CELF1: variants seen among roughly 807,000 people sequenced by gnomAD.
The protein encoded by CELF1 is CUGBP Elav-like family member 1, also known as 50 kDa nuclear polyadenylated RNA-binding protein.
Under a neutral mutation model 61.8 loss-of-function variants are expected in CELF1, and 10 were observed. The observed-to-expected ratio is 0.16, with a 90% CI of 0.10 to 0.27. The LOEUF is 0.27. Among genes scored for constraint, CELF1 ranks in the 10% least tolerant of loss-of-function variants. The pLI, the probability that CELF1 is intolerant of heterozygous loss-of-function variation, is 1.00. For missense variants in CELF1, 380 were observed against 639.1 expected, an observed-to-expected ratio of 0.59 and a Z score of 4.37; for synonymous variants, 236 against 225.1, an observed-to-expected ratio of 1.05 and a Z score of -0.43.
At position 47,483,494 on chromosome 11, in the gene CELF1, G is replaced by T; in HGVS notation, c.565C>A (p.Gln189Lys). Residue 189 changes from glutamine (Q) to lysine (K), a missense_variant, in exon 8 of 15, where the codon CAG becomes AAG. By Grantham distance (53) the Gln-to-Lys change is moderately conservative (BLOSUM62 1). Transcript: ENST00000687097. ...FVTFTTRAMA[Q>K]TAIKAMHQAQ... ...TGGTGCATTGCCTTGATAGCCGTCT[G>T]TGCCATGGCTCTTGTTGTAAAAGTC... The T allele has an allele frequency of 6.2e-7, 1 of 1,614,088 alleles. No homozygotes were observed. The highest frequency in any genetic ancestry group is 1.7e-5 in the Admixed American group (1 of 60,012).
intron 1 of CELF1, among the ~76,000 whole-genome samples, chr11:47,529,360 G>A (rs931046994): frequency 2.6e-5 from 4 of 151,852 alleles, no homozygotes; most frequent in African/African-American, 9.7e-5. Flanking sequence ...ACCAGCCCGG[G>A]TAACGTGGCG....
chr11:47,468,225 A>G lies in CELF1; in HGVS notation c.*4005T>C, dbSNP rs2077000764. 1 of 152,160 alleles carries G rather than the reference A, an allele frequency of 6.6e-6. No homozygotes were observed. Among genetic ancestry groups the G allele is most frequent in the African/African-American group, 2.4e-5 (1 of 41,294 alleles). The allele number at this position is 152,160 out of a possible 1,614,324, so 9.4% of individuals were successfully genotyped here. On this transcript the variant is annotated 3_prime_UTR_variant, in exon 15 of 15. Transcript: ENST00000687097. ...AGGGAAGAACCACAAAAGAAAAAGA[A>G]AAAGAAAAAGGGCTGGCTGGGGCCC... is the stretch of plus-strand genomic sequence containing the variant.
Position 47,470,402 on chromosome 11 carries a change from A to G in CELF1, c.*1828T>C, listed in dbSNP as rs984310634. 6 of 152,006 alleles carry G rather than the reference A, an allele frequency of 3.9e-5. No homozygotes were observed. The highest frequency in any genetic ancestry group is 8.8e-5 in the Non-Finnish European group (6 of 68,006). 9.4% of individuals were successfully genotyped at this position (152,006 alleles called of 1,614,324 possible). ...AGTTTTATCCTTTGAAACACAGGAC[A>G]CATTTCTCCCAGTGCGCAGAATTTC... On this transcript the variant is annotated 3_prime_UTR_variant, in exon 15 of 15. Transcript: ENST00000687097.
intron 1 of CELF1, among the ~76,000 whole-genome samples, chr11:47,501,663 A>C (rs1000300001): frequency 6.9e-6 from 1 of 145,226 alleles, no homozygotes; most frequent in South Asian, 2.2e-4. Context: ...AAAAAATATC[A>C]AAAAAAAAAA....
intron 1 of CELF1, chr11:47,524,112 T>C (rs993146921): frequency 6.6e-6 from 1 of 152,164 alleles, no homozygotes; most frequent in African/African-American, 2.4e-5. Context: ...GTTCCTTTCC[T>C]GGCAGACAGC....
At chr11:47,529,080 T>A (rs2096370206) in intron 1 of CELF1, among the ~76,000 whole-genome samples, 1 of 148,706 alleles carries the variant, frequency 6.7e-6, no homozygotes, top group South Asian at 2.1e-4. Context: ...TATTTTACTT[T>A]TTTTTTTTTT....
intron 9 of CELF1, among the ~76,000 whole-genome samples, chr11:47,479,316 A>G (rs547575808): frequency 6.6e-6 from 1 of 152,358 alleles, no homozygotes; most frequent in Admixed American, 6.5e-5. Context: ...TGCCATTTCC[A>G]GCTACCCTCT....
intron 5 of CELF1, 129 bp downstream of exon 5, chr11:47,487,030 T>C: frequency 1.3e-6 from 1 of 790,782 alleles, no homozygotes; most frequent in Non-Finnish European, 2.1e-6. Flanking sequence ...CTTTATGTCT[T>C]CCTTTACATC....
At chr11:47,510,727 T>C (rs1055599145) in intron 1 of CELF1, among the ~76,000 whole-genome samples, 1 of 152,144 alleles carries the variant, frequency 6.6e-6, no homozygotes, top group Non-Finnish European at 1.5e-5. Context: ...GCTCAAGCGA[T>C]CCACCCCCTC....
intron 12 of CELF1, among the ~76,000 whole-genome samples, chr11:47,476,468 C>T (rs2080189396): frequency 6.6e-6 from 1 of 152,102 alleles, no homozygotes; most frequent in Admixed American, 6.5e-5. Context: ...CTCTGTCACC[C>T]AGGCTGGAGT....
Position 47,484,541 on chromosome 11 carries a change from A to G in CELF1, c.392-18T>C. The stretch of plus-strand genomic sequence containing the variant: ...TTCCACTGCTAAGAGAGTAAAACAG[A>G]AAAGACTTGAATATTACTACTTAAA... On this transcript the variant is annotated intron_variant, in intron 6 of 14. Coordinates refer to ENST00000687097, the MANE Select transcript of CELF1 (RefSeq NM_001376376.1). 1 of 1,596,308 alleles carries G rather than the reference A, an allele frequency of 6.3e-7. No individual in the cohort carries two copies. Among genetic ancestry groups the G allele is most frequent in the Non-Finnish European group, 8.5e-7 (1 of 1,174,004 alleles).
At chr11:47,504,004 T>A (rs1265546378) in intron 1 of CELF1, among the ~76,000 whole-genome samples, 2 of 151,672 alleles carry the variant, frequency 1.3e-5, no homozygotes, top group East Asian at 3.9e-4. Flanking sequence ...GAGAGACCTA[T>A]CTCTACAAAA....
intron 1 of CELF1, among the ~76,000 whole-genome samples, chr11:47,525,897 T>G (rs1447085903): frequency 6.7e-6 from 1 of 148,330 alleles, no homozygotes; most frequent in Non-Finnish European, 1.5e-5. Flanking sequence ...CTGGGCAATG[T>G]GGCGAGAACC....
At chr11:47,537,076 G>A (rs2096646910) in intron 1 of CELF1, among the ~76,000 whole-genome samples, 1 of 152,122 alleles carries the variant, frequency 6.6e-6, no homozygotes, top group Admixed American at 6.6e-5. Flanking sequence ...TCTTGGCCCA[G>A]AAAGGCAAGA....
At chr11:47,538,897 T>G (rs1490505525) in intron 1 of CELF1, among the ~76,000 whole-genome samples, 1 of 152,160 alleles carries the variant, frequency 6.6e-6, no homozygotes, top group Non-Finnish European at 1.5e-5. Flanking sequence ...AGATCATTCA[T>G]GAAGTTACTG....
rs58856403 is a variant in CELF1, at chr11:47,533,809, C to CAAAAA, written c.-154+19178_-154+19182dup. Among the ~76,000 whole-genome samples the CAAAAA allele has an allele frequency of 1.5e-3, 125 of 85,280 alleles. 9 individuals are homozygous for CAAAAA. The highest frequency in any genetic ancestry group is 3.4e-3 in the South Asian group (8 of 2,328). 55.9% of individuals were successfully genotyped at this position (85,280 alleles called of 152,430 possible). ...TGGGCAATAGAGCGAGACTCTCCCC[C>CAAAAA]AAAAAAAAAAAAAAAAAAAAAAGGA... On this transcript the variant is annotated intron_variant, in intron 1 of 14. Coordinates refer to ENST00000687097, the MANE Select transcript of CELF1 (RefSeq NM_001376376.1).
At chr11:47,495,728 T>C (rs1309564233) in intron 3 of CELF1, among the ~76,000 whole-genome samples, 1 of 152,186 alleles carries the variant, frequency 6.6e-6, no homozygotes, top group African/African-American at 2.4e-5. Context: ...AGCTCCTGAT[T>C]AGATTACAGT....
chr11:47,477,591 A>T, intron 10 of CELF1, 166 bp from the exon 11 acceptor site: 2 of 596,338 alleles, frequency 3.4e-6, no homozygotes, highest in Non-Finnish European at 5.8e-6. Context: ...TTCATGTATC[A>T]CTCATTAAGA....
chr11:47,471,973 CAAA>C lies in CELF1; in HGVS notation c.*254_*256del. On this transcript the variant is annotated 3_prime_UTR_variant, in exon 15 of 15. Coordinates refer to ENST00000687097, the MANE Select transcript of CELF1 (RefSeq NM_001376376.1). Reference sequence around the variant, plus strand: ...AATAAAGGAGAAACAAAAACAAAAACAAAAAAAACCTCAGGATATGGCACCTAA... The same window carrying C: ...AATAAAGGAGAAACAAAAACAAAAACAAAAACCTCAGGATATGGCACCTAA... 5.2e-6 allele frequency: 2 copies of C among 386,162 alleles called. No individual in the cohort carries two copies. The highest frequency in any genetic ancestry group is 9.4e-6 in the Non-Finnish European group (2 of 211,718). 23.9% of individuals were successfully genotyped at this position (386,162 alleles called of 1,614,324 possible). A position where few individuals can be genotyped will look rare whatever the true frequency, so the allele number is the denominator to read the frequency against.
Sources: allele counts gnomAD v4.1 joint callset (sites outside exome capture counted in the v4.1 genomes callset), GRCh38; gene constraint gnomAD v4.1.1; transcripts MANE v1.5; gene names NCBI Gene and HGNC (gene_info 2026-07-23, HGNC 2026-07-21).